Variants in PPFIA2 observed in about 807,000 individuals in gnomAD.
PPFIA2 encodes the protein liprin-alpha-2.
A neutral mutation model predicts 175.5 loss-of-function variants in PPFIA2; 46 were observed. The observed-to-expected ratio is 0.26, with a 90% CI of 0.21 to 0.34. PPFIA2 has a LOEUF of 0.34. Ranked by LOEUF, PPFIA2 falls within the 10% of genes least tolerant of loss-of-function variation. The probability of loss-of-function intolerance (pLI) is 1.00; values close to 1 mark genes in which losing one functional copy is unlikely to be tolerated. For synonymous variants in PPFIA2, 568 were observed against 511.4 expected (o/e 1.11, Z -1.49); for missense variants, 1,179 against 1,506.1 (o/e 0.78, Z 3.60).
intron 14 of PPFIA2, among the ~76,000 whole-genome samples, chr12:81,365,842 G>T (rs544231041): frequency 5.3e-5 from 8 of 151,714 alleles, no homozygotes; most frequent in Non-Finnish European, 1.2e-4. Flanking sequence ...TGGACACCTT[G>T]ACTGTAGAAT....
intron 3 of PPFIA2, among the ~76,000 whole-genome samples, chr12:81,712,966 G>T (rs1423978648): frequency 6.6e-6 from 1 of 151,040 alleles, no homozygotes; most frequent in African/African-American, 2.4e-5. Context: ...CTGTTCTAAA[G>T]GCAAGGGCTG....
intron 22 of PPFIA2, among the ~76,000 whole-genome samples, chr12:81,315,064 A>G (rs2051978042): frequency 2.0e-5 from 3 of 151,778 alleles, no homozygotes; most frequent in African/African-American, 7.2e-5. Context: ...TATATTTGGC[A>G]TCAAGCAATT....
intron 4 of PPFIA2, among the ~76,000 whole-genome samples, chr12:81,602,856 T>C (rs2059930846): frequency 6.6e-6 from 1 of 151,780 alleles, no homozygotes; most frequent in African/African-American, 2.4e-5. Context: ...AAGAAGAAAA[T>C]GAATCCCTTG....
intron 3 of PPFIA2, among the ~76,000 whole-genome samples, chr12:81,704,076 C>G (rs17008908): frequency 0.14 from 20,979 of 152,098 alleles, 1,815 homozygotes; most frequent in Middle Eastern, 0.23. Context: ...GATCTTGTCT[C>G]TTGTATTCAC....
intron 4 of PPFIA2, among the ~76,000 whole-genome samples, chr12:81,595,333 A>G (rs1452897242): frequency 6.6e-6 from 1 of 151,886 alleles, no homozygotes; most frequent in Non-Finnish European, 1.5e-5. Flanking sequence ...ACAAATTGAC[A>G]CTTCTAATGC....
chr12:81,729,664 A>G (rs2080589939), intron 3 of PPFIA2, among the ~76,000 whole-genome samples: 1 of 151,528 alleles, frequency 6.6e-6, no homozygotes, highest in Admixed American at 6.6e-5. Context: ...TAGGAAGAAT[A>G]TCCTGGATTA....
At chr12:81,627,966 A>G (rs983144575) in intron 4 of PPFIA2, among the ~76,000 whole-genome samples, 1 of 152,174 alleles carries the variant, frequency 6.6e-6, no homozygotes, top group Non-Finnish European at 1.5e-5. Context: ...CTGAAAATTC[A>G]GTATTGGCTA....
At chr12:81,346,956 A>G (rs900903974) in intron 18 of PPFIA2, among the ~76,000 whole-genome samples, 1 of 151,770 alleles carries the variant, frequency 6.6e-6, no homozygotes. Context: ...TCAAGAAGGA[A>G]TCTCACTCTG....
At chr12:81,644,211 C>T (rs974196535) in intron 4 of PPFIA2, among the ~76,000 whole-genome samples, 7 of 151,832 alleles carry the variant, frequency 4.6e-5, no homozygotes, top group Non-Finnish European at 8.8e-5. Context: ...ATAATCTATA[C>T]CTCAGTATGG....
chr12:81,608,396 A>G (rs2060550151), intron 4 of PPFIA2, among the ~76,000 whole-genome samples: 1 of 152,102 alleles, frequency 6.6e-6, no homozygotes, highest in Non-Finnish European at 1.5e-5. Flanking sequence ...TAGATCTGGT[A>G]AAATTCAGCT....
intron 4 of PPFIA2, among the ~76,000 whole-genome samples, chr12:81,539,824 TCA>T (rs1056046035): frequency 5.3e-5 from 8 of 152,132 alleles, no homozygotes; most frequent in Non-Finnish European, 1.2e-4. Flanking sequence ...ATTAATGTTT[TCA>T]CACACTCTAT....
intron 4 of PPFIA2, among the ~76,000 whole-genome samples, chr12:81,459,350 C>A (rs887108592): frequency 2.6e-5 from 4 of 151,926 alleles, no homozygotes; most frequent in Non-Finnish European, 5.9e-5. Context: ...AGAAGTGATA[C>A]CTAAAGATTC....
At chr12:81,577,932 C>T (rs2153423707) in intron 4 of PPFIA2, among the ~76,000 whole-genome samples, 1 of 151,796 alleles carries the variant, frequency 6.6e-6, no homozygotes, top group East Asian at 1.9e-4. Flanking sequence ...AGTGGTCCAA[C>T]CTTGGGATCT....
At chr12:81,745,521 T>G (rs2082926429) in intron 3 of PPFIA2, among the ~76,000 whole-genome samples, 1 of 152,162 alleles carries the variant, frequency 6.6e-6, no homozygotes, top group East Asian at 1.9e-4. Flanking sequence ...GGAGTGCATC[T>G]GTGGCATTCT....
intron 3 of PPFIA2, chr12:81,687,533 C>T (rs1241697190): frequency 2.6e-5 from 4 of 152,036 alleles, no homozygotes; most frequent in African/African-American, 9.6e-5. Flanking sequence ...AGGTACTGTC[C>T]CAAGAAACTT....
chr12:81,393,050 C>A (rs2040442770), intron 8 of PPFIA2, among the ~76,000 whole-genome samples: 1 of 151,912 alleles, frequency 6.6e-6, no homozygotes, highest in African/African-American at 2.4e-5. Context: ...TTTTTTCTAA[C>A]CTTGTTTCTT....
At position 81,341,071 on chromosome 12, in the gene PPFIA2, G is replaced by A; in HGVS notation, c.2393+7C>T. 1 of 1,608,196 alleles carries A rather than the reference G, an allele frequency of 6.2e-7. No individual in the cohort carries two copies. The highest frequency in any genetic ancestry group is 8.5e-7 in the Non-Finnish European group (1 of 1,175,388). ...ATTCAGTGTGCAGTGTGCCTGCAGA[G>A]TCTTACCTTCGAGCATCATTGTGGT... is the stretch of plus-strand genomic sequence containing the variant. On this transcript the variant is annotated splice_region_variant and intron_variant, in intron 20 of 32. Transcript: ENST00000549396.
At chr12:81,598,305 C>T (rs964262678) in intron 4 of PPFIA2, 2 of 1,190,300 alleles carry the variant, frequency 1.7e-6, no homozygotes, top group African/African-American at 1.6e-5. Flanking sequence ...AGGAAAAAAG[C>T]AAGAACCAAC....
chr12:81,411,771 C>A, intron 7 of PPFIA2, among the ~76,000 whole-genome samples: 1 of 151,976 alleles, frequency 6.6e-6, no homozygotes, highest in South Asian at 2.1e-4. Flanking sequence ...AGAAATCCTT[C>A]CTAATGGAAA....
Sources: allele counts gnomAD v4.1 joint callset (sites outside exome capture counted in the v4.1 genomes callset), GRCh38; gene constraint gnomAD v4.1.1; transcripts MANE v1.5; gene names NCBI Gene and HGNC (gene_info 2026-07-23, HGNC 2026-07-21).